Variants in RCC1 observed in about 807,000 individuals in gnomAD.
RCC1 encodes regulator of chromosome condensation 1.
A neutral mutation model predicts 44.4 loss-of-function variants in RCC1; 11 were observed. That is an observed-to-expected ratio of 0.25 (90% CI 0.16 to 0.41). RCC1 has a LOEUF of 0.41. RCC1 is among the 10% of genes least tolerant of loss of function. The probability of loss-of-function intolerance (pLI) is 1.00; values close to 1 mark genes in which losing one functional copy is unlikely to be tolerated. For synonymous variants in RCC1, 213 were observed against 216.5 expected (o/e 0.98, Z 0.14); for missense variants, 386 against 547.1 (o/e 0.71, Z 2.94).
intron 5 of RCC1, among the ~76,000 whole-genome samples, chr1:28,530,280 G>A (rs1272384903): frequency 6.6e-6 from 1 of 152,214 alleles, no homozygotes; most frequent in African/African-American, 2.4e-5. Context: ...TAGCTGCTGG[G>A]CAAGTCACTT....
chr1:28,518,562 G>C, intron 4 of RCC1: 1 of 149,024 alleles, frequency 6.7e-6, no homozygotes, highest in Admixed American at 6.7e-5. Flanking sequence ...CCCCTCCGCC[G>C]CCGCGCCTCT....
intron 4 of RCC1, among the ~76,000 whole-genome samples, chr1:28,519,642 A>G (rs1663145405): frequency 6.7e-6 from 1 of 149,990 alleles, no homozygotes. Context: ...ATCTCAGCTC[A>G]CTGCAACCTC....
chr1:28,515,265 A>T (rs926749645), intron 3 of RCC1, among the ~76,000 whole-genome samples: 4 of 151,086 alleles, frequency 2.6e-5, no homozygotes, highest in African/African-American at 9.7e-5. Flanking sequence ...ACTCCAGCCT[A>T]GGCAACAGAG....
chr1:28,514,527 T>C (rs1662768262), intron 3 of RCC1, among the ~76,000 whole-genome samples: 1 of 150,622 alleles, frequency 6.6e-6, no homozygotes, highest in Non-Finnish European at 1.5e-5. Context: ...TTTGGGAGGC[T>C]GAGACTGGCG....
At chr1:28,529,769 C>A in intron 4 of RCC1, 89 bp from the exon 5 acceptor site, 3 of 982,962 alleles carry the variant, frequency 3.1e-6, no homozygotes, top group East Asian at 2.5e-5. Flanking sequence ...TTCCTCTTAA[C>A]GTATTTCTAG....
At chr1:28,519,761 C>T (rs1010286999) in intron 4 of RCC1, among the ~76,000 whole-genome samples, 3 of 150,934 alleles carry the variant, frequency 2.0e-5, no homozygotes, top group Non-Finnish European at 4.4e-5. Context: ...TTAGTAGAGA[C>T]GGGGTTTCAC....
Position 28,536,181 on chromosome 1 carries a change from G to C in RCC1, c.818-81G>C. ...TGAGAATGTCCATATCCTGATGGGA[G>C]GTGGCCTCACTGTGGGAGGAGATTG... On this transcript the variant is annotated intron_variant, in intron 10 of 12. Coordinates refer to ENST00000683442, the MANE Select transcript of RCC1 (RefSeq NM_001381865.2). This position sits in a 1 kb window ranked among gnomAD's most constrained non-coding sequence, Gnocchi z 4.9. The C allele has an allele frequency of 6.4e-7, 1 of 1,571,914 alleles. No homozygotes were observed. The highest frequency in any genetic ancestry group is 2.2e-5 in the East Asian group (1 of 44,642).
chr1:28,519,216 T>C (rs1244398651), intron 4 of RCC1, among the ~76,000 whole-genome samples: 1 of 151,818 alleles, frequency 6.6e-6, no homozygotes, highest in Non-Finnish European at 1.5e-5. Context: ...GGCATGAAGG[T>C]ATAGGTATTG....
At chr1:28,509,777 T>C (rs1662362503) in intron 3 of RCC1, 1 of 152,180 alleles carries the variant, frequency 6.6e-6, no homozygotes, top group South Asian at 2.1e-4. Context: ...TGGGTTCACT[T>C]TATATTGGCA....
intron 3 of RCC1, chr1:28,510,294 A>G (rs1448002277): frequency 6.6e-6 from 1 of 152,274 alleles, no homozygotes; most frequent in African/African-American, 2.4e-5. Flanking sequence ...GGGGGAACAC[A>G]GCTTGATTTT....
intron 1 of RCC1, 27 bp downstream of exon 1, chr1:28,506,111 T>C (rs1661894240): frequency 4.4e-6 from 2 of 455,266 alleles, no homozygotes; most frequent in African/African-American, 4.0e-5. Context: ...GTAAGTGTGA[T>C]CAGATGCTTG....
At chr1:28,509,084 T>G in intron 3 of RCC1, 179 bp downstream of exon 3, 1 of 358,366 alleles carries the variant, frequency 2.8e-6, no homozygotes, top group East Asian at 7.4e-5. Flanking sequence ...ATTACAAACA[T>G]AAGCCACCAC....
Position 28,535,923 on chromosome 1 carries a change from C to T in RCC1, c.714C>T (p.Gly238=). Residue 238 remains glycine (G), a synonymous_variant, in exon 10 of 13, where the codon GGC becomes GGT. Coordinates refer to ENST00000683442, the MANE Select transcript of RCC1 (RefSeq NM_001381865.2). ...CVMLKSRGSR[G]HVRFQDAFCG... ...TGCTGAAATCCAGGGGAAGCCGGGG[C>T]CACGTGAGATTCCAGGATGCCTTTT... 6.2e-7 allele frequency: 1 copy of T among 1,614,120 alleles called. No individual in the cohort carries two copies. The highest frequency in any genetic ancestry group is 8.5e-7 in the Non-Finnish European group (1 of 1,179,996).
chr1:28,508,681 C>T (rs746231307), intron 2 of RCC1, 149 bp from the exon 3 acceptor site: 38 of 518,910 alleles, frequency 7.3e-5, no homozygotes, highest in South Asian at 2.2e-4. Context: ...AGCTGGGCCT[C>T]GTGTCTGCGC....
intron 5 of RCC1, chr1:28,530,471 A>G: frequency 6.6e-7 from 1 of 1,526,628 alleles, no homozygotes; most frequent in Non-Finnish European, 8.9e-7. Flanking sequence ...GCCAGCACCA[A>G]ACTGGGAGGG....
chr1:28,507,983 G>A, intron 1 of RCC1, 145 bp from the exon 2 acceptor site: 1 of 293,562 alleles, frequency 3.4e-6, no homozygotes, highest in Middle Eastern at 4.1e-4. Flanking sequence ...CTGGAGGAAG[G>A]AGAATCGCTG....
At position 28,524,491 on chromosome 1, in the gene RCC1, C is replaced by G. The variant is rs150027012; in HGVS notation, c.-9-5367C>G. On this transcript the variant is annotated intron_variant, in intron 4 of 12. Coordinates refer to ENST00000683442, the MANE Select transcript of RCC1 (RefSeq NM_001381865.2). ...GGAAGATCGCTTGAGTCCATGAGTT[C>G]GAGGCTGCAATAAGCTAATTGCACC... Among the ~76,000 whole-genome samples the G allele has an allele frequency of 6.6e-5, 10 of 152,058 alleles. No homozygotes were observed. In the East Asian group the frequency reaches 1.4e-3, roughly 21 times the overall value.
At chr1:28,517,878 GTCA>G (rs1662987498) in intron 4 of RCC1, among the ~76,000 whole-genome samples, 1 of 152,152 alleles carries the variant, frequency 6.6e-6, no homozygotes, top group South Asian at 2.1e-4. Context: ...GGGTATCCCT[GTCA>G]TAGCGTTGTG....
chr1:28,512,490 GTTCT>G (rs1200205264), intron 3 of RCC1, among the ~76,000 whole-genome samples: 1 of 152,026 alleles, frequency 6.6e-6, no homozygotes, highest in Non-Finnish European at 1.5e-5. Context: ...ATTTTTCTGT[GTTCT>G]TTTTTATTGA....
Sources: allele counts gnomAD v4.1 joint callset (sites outside exome capture counted in the v4.1 genomes callset), GRCh38; gene constraint gnomAD v4.1.1; non-coding constraint Gnocchi (gnomAD v3.1); transcripts MANE v1.5; gene names NCBI Gene and HGNC (gene_info 2026-07-23, HGNC 2026-07-21).